MAML1: variants seen among roughly 807,000 people sequenced by gnomAD.
MAML1 encodes mastermind-like protein 1.
A neutral mutation model predicts 77.1 loss-of-function variants in MAML1; 14 were observed. The ratio of observed to expected loss-of-function variants is 0.18; its 90% CI spans 0.12 to 0.28. The LOEUF is 0.28. Among genes scored for constraint, MAML1 ranks in the 10% least tolerant of loss-of-function variants. MAML1 has a pLI of 1.00. For synonymous variants in MAML1, 516 were observed against 551.9 expected (o/e 0.93, Z 0.91); for missense variants, 1,217 against 1,327.8 (o/e 0.92, Z 1.30).
chr5:179,752,346 A>ATATATATATATATATATATATATATAT (rs1472280681), intron 1 of MAML1, among the ~76,000 whole-genome samples: 1 of 90,738 alleles, frequency 1.1e-5, no homozygotes, highest in African/African-American at 5.0e-5. Flanking sequence ...AAAAAAAAAA[A>ATATATATATATATATATATATATATAT]AAAAATATAT....
In MAML1 at chr5:179,733,166, G is replaced by A; in HGVS notation, c.54G>A (p.Ala18=). 6.8e-7 allele frequency: 1 copy of A among 1,466,094 alleles called. No homozygotes were observed. Among genetic ancestry groups the A allele is most frequent in the East Asian group, 3.0e-5 (1 of 32,804 alleles). The allele number at this position is 1,466,094 out of a possible 1,614,324, so 90.8% of individuals were successfully genotyped here. ...MAEFALPRHS[A]VMERLRRRIE... is the part of the protein sequence containing the mutation. ...AGTTCGCGCTGCCGCGGCACAGCGC[G>A]GTCATGGAGCGCCTTCGCCGGCGCA... The change falls in exon 1 of 5, where the codon GCG becomes GCA. Residue 18 remains alanine (A), a synonymous_variant. Transcript: ENST00000292599.
chr5:179,774,924 A>G lies in MAML1; in HGVS notation c.*47A>G, dbSNP rs1381859922. On this transcript the variant is annotated 3_prime_UTR_variant, in exon 5 of 5. Transcript: ENST00000292599. ...TAGTGTTCATTCATCCTATATTTTTATTCTCAGATTCAAAGAAAGAGCAAC... is the reference window on the plus strand; with the variant it reads ...TAGTGTTCATTCATCCTATATTTTTGTTCTCAGATTCAAAGAAAGAGCAAC... 4 of 1,525,986 alleles carry G rather than the reference A, an allele frequency of 2.6e-6. No homozygotes were observed. Among genetic ancestry groups the G allele is most frequent in the Non-Finnish European group, 2.6e-6 (3 of 1,139,092 alleles). 94.5% of individuals were successfully genotyped at this position (1,525,986 alleles called of 1,614,324 possible). A position where few individuals can be genotyped will look rare whatever the true frequency, so the allele number is the denominator to read the frequency against.
chr5:179,744,835 AC>A (rs769781848), intron 1 of MAML1, among the ~76,000 whole-genome samples: 1 of 152,128 alleles, frequency 6.6e-6, no homozygotes, highest in African/African-American at 2.4e-5. Flanking sequence ...AGATTCTGGT[AC>A]ATCTATTTCT....
In MAML1 at chr5:179,776,774, T is replaced by C; in HGVS notation, c.*1897T>C. The C allele has an allele frequency of 1.0e-6, 1 of 985,894 alleles. No individual in the cohort carries two copies. The allele number at this position is 985,894 out of a possible 1,614,324, so 61.1% of individuals were successfully genotyped here. A position where few individuals can be genotyped will look rare whatever the true frequency, so the allele number is the denominator to read the frequency against. ...CTTAGTCCTGGGGCCGGCGACACAG[T>C]GGGGGCTCCTCACTTGCTGCAGTGT... On this transcript the variant is annotated 3_prime_UTR_variant, in exon 5 of 5. Coordinates refer to ENST00000292599, the MANE Select transcript of MAML1 (RefSeq NM_014757.5).
Position 179,774,181 on chromosome 5 carries a change from C to T in MAML1, c.2355C>T (p.Thr785=). The change falls in exon 5 of 5, where the codon ACC becomes ACT. Residue 785 remains threonine, a synonymous_variant. Transcript: ENST00000292599. ...GACATGCCCACATTCCACGGCAGACCAACGTGGGCCAGAACACCTCCGTCT... is the reference window on the plus strand; with the variant it reads ...GACATGCCCACATTCCACGGCAGACTAACGTGGGCCAGAACACCTCCGTCT... ...TNGHAHIPRQ[T]NVGQNTSVSA... 3 of 1,613,470 alleles carry T rather than the reference C, an allele frequency of 1.9e-6. No homozygotes were observed. Among genetic ancestry groups the T allele is most frequent in the East Asian group, 2.2e-5 (1 of 44,880 alleles).
At position 179,774,800 on chromosome 5, in the gene MAML1, C is replaced by G; in HGVS notation, c.2974C>G (p.Leu992Val). Residue 992 changes from leucine (L) to valine (V), a missense_variant, in exon 5 of 5, where the codon CTG (leucine) becomes GTG (valine). This residue lies in a region of MAML1 where 884 missense variants were observed against 949.3 expected (regional missense o/e 0.93). Transcript: ENST00000292599. ...GLSSVAGHTD[L>V]IDSLLKNRTS... The stretch of plus-strand genomic sequence containing the variant: ...CTCTAGTGTGGCTGGACACACCGAT[C>G]TGATCGACTCCCTGCTGAAGAACAG... 6.2e-7 allele frequency: 1 copy of G among 1,613,984 alleles called. No individual in the cohort carries two copies. Among genetic ancestry groups the G allele is most frequent in the South Asian group, 1.1e-5 (1 of 91,086 alleles).
rs568559071 is a variant in MAML1 at position 179,755,648 on chromosome 5, G to A, written c.316-9678G>A. On this transcript the variant is annotated intron_variant, in intron 1 of 4. Transcript: ENST00000292599. ...TGCGGCCGAGATGGCTTTGAATGCA[G>A]CCCAACACAAATTCATAAACTTTCT... Among the ~76,000 whole-genome samples, 8 of 151,902 alleles carry A rather than the reference G, an allele frequency of 5.3e-5. No homozygotes were observed. In the South Asian group the frequency reaches 1.7e-3, roughly 32 times the overall value.
At position 179,777,187 on chromosome 5, in the gene MAML1, T is replaced by G; in HGVS notation, c.*2310T>G. 1.0e-6 allele frequency: 1 copy of G among 977,962 alleles called. No homozygotes were observed. Among genetic ancestry groups the G allele is most frequent in the Non-Finnish European group, 1.2e-6 (1 of 822,848 alleles). The allele number at this position is 977,962 out of a possible 1,614,324, so 60.6% of individuals were successfully genotyped here. On this transcript the variant is annotated 3_prime_UTR_variant, in exon 5 of 5. Coordinates refer to ENST00000292599, the MANE Select transcript of MAML1 (RefSeq NM_014757.5). ...CATAAAAGTCCTATTAATCCCCATA[T>G]TCTTCTACTGCCCTTAACTCTGGTA... is the stretch of plus-strand genomic sequence containing the variant.
At chr5:179,770,955 A>T (rs2113381747) in intron 3 of MAML1, 192 bp from the exon 4 acceptor site, 1 of 524,768 alleles carries the variant, frequency 1.9e-6, no homozygotes, top group Non-Finnish European at 3.5e-6. Context: ...CCTACCTTTT[A>T]AAAAAGTCAT....
chr5:179,744,205 G>T (rs1272301580), intron 1 of MAML1, among the ~76,000 whole-genome samples: 2 of 152,064 alleles, frequency 1.3e-5, no homozygotes, highest in African/African-American at 2.4e-5. Flanking sequence ...TCTTCTTCAA[G>T]ATGGAGTCTT....
In MAML1 at chr5:179,771,410, G is replaced by T. The variant is rs555982187; in HGVS notation, c.2068+167G>T. 6.6e-6 allele frequency among the ~76,000 whole-genome samples: 1 copy of T among 152,158 alleles called. No homozygotes were observed. Among genetic ancestry groups the T allele is most frequent in the South Asian group, 2.1e-4 (1 of 4,832 alleles). On this transcript the variant is annotated intron_variant, in intron 4 of 4. Transcript: ENST00000292599. The surrounding 1 kb of genome is among the most constrained non-coding windows in gnomAD (Gnocchi z 4.7). Reference sequence around the variant, plus strand: ...GGGCCTGGTTTTCTAGTTACTCCACGGCATCAGGAGAAGAGGGCACAGAGG... The same window carrying T: ...GGGCCTGGTTTTCTAGTTACTCCACTGCATCAGGAGAAGAGGGCACAGAGG...
intron 2 of MAML1, among the ~76,000 whole-genome samples, chr5:179,767,002 C>G (rs1336930444): frequency 6.6e-6 from 1 of 152,070 alleles, no homozygotes; most frequent in Non-Finnish European, 1.5e-5. Context: ...ATTTAGTCCA[C>G]TGTCTCTTTC....
chr5:179,774,902 T>G lies in MAML1; in HGVS notation c.*25T>G, dbSNP rs747440632. 8.3e-6 allele frequency: 13 copies of G among 1,557,590 alleles called. No individual in the cohort carries two copies. Among genetic ancestry groups the G allele is most frequent in the Non-Finnish European group, 3.5e-6 (4 of 1,151,196 alleles). ...ATGGAAGGATTTGTAGTGTTTTTAG[T>G]GTTCATTCATCCTATATTTTTATTC... is the stretch of plus-strand genomic sequence containing the variant. On this transcript the variant is annotated 3_prime_UTR_variant, in exon 5 of 5. Coordinates refer to ENST00000292599, the MANE Select transcript of MAML1 (RefSeq NM_014757.5).
chr5:179,771,625 G>A lies in MAML1; in HGVS notation c.2068+382G>A, dbSNP rs894668753. On this transcript the variant is annotated intron_variant, in intron 4 of 4. Coordinates refer to ENST00000292599, the MANE Select transcript of MAML1 (RefSeq NM_014757.5). The surrounding 1 kb of genome is among the most constrained non-coding windows in gnomAD (Gnocchi z 4.7). ...CCAGATAAGGACTTAATGCACTTGC[G>A]TGGCCTTTGGCTTCTTTCTCTCCTC... Among the ~76,000 whole-genome samples the A allele has an allele frequency of 6.6e-6, 1 of 152,166 alleles. No homozygotes were observed. Among genetic ancestry groups the A allele is most frequent in the African/African-American group, 2.4e-5 (1 of 41,428 alleles).
Position 179,776,751 on chromosome 5 carries a change from TAGTC to T in MAML1, c.*1875_*1878del. The T allele has an allele frequency of 4.1e-6, 4 of 986,006 alleles. No homozygotes were observed. The highest frequency in any genetic ancestry group is 4.8e-6 in the Non-Finnish European group (4 of 830,054). 61.1% of individuals were successfully genotyped at this position (986,006 alleles called of 1,614,324 possible). ...GGCTCGCTGGCCCTGCACTCCGCCT[TAGTC>T]CTGGGGCCGGCGACACAGTGGGGGC... On this transcript the variant is annotated 3_prime_UTR_variant, in exon 5 of 5. Transcript: ENST00000292599.
intron 1 of MAML1, among the ~76,000 whole-genome samples, chr5:179,764,358 A>T (rs570029808): frequency 6.6e-6 from 1 of 152,230 alleles, no homozygotes; most frequent in South Asian, 2.1e-4. Flanking sequence ...AAATAGTCCC[A>T]ATAAGAAGTA....
At chr5:179,773,525 G>A (rs1296168319) in intron 4 of MAML1, among the ~76,000 whole-genome samples, 1 of 152,224 alleles carries the variant, frequency 6.6e-6, no homozygotes, top group Non-Finnish European at 1.5e-5. Context: ...GCCCCATTGC[G>A]CCCCATCGTG....
rs1380550092 is a variant in MAML1 at position 179,766,768 on chromosome 5, C to T, written c.1731+27C>T. 2.0e-6 allele frequency: 3 copies of T among 1,499,796 alleles called. No individual in the cohort carries two copies. The highest frequency in any genetic ancestry group is 1.8e-6 in the Non-Finnish European group (2 of 1,119,100). The allele number at this position is 1,499,796 out of a possible 1,614,324, so 92.9% of individuals were successfully genotyped here. A position where few individuals can be genotyped will look rare whatever the true frequency, so the allele number is the denominator to read the frequency against. Reference sequence around the variant, plus strand: ...TAAGTATGAGCCTTTGCTTTCTGTTCCTCTGCTGCAGACACTTCAGTGAGG... The same window carrying T: ...TAAGTATGAGCCTTTGCTTTCTGTTTCTCTGCTGCAGACACTTCAGTGAGG... On this transcript the variant is annotated intron_variant, in intron 2 of 4. Coordinates refer to ENST00000292599, the MANE Select transcript of MAML1 (RefSeq NM_014757.5). The surrounding 1 kb of genome is among the most constrained non-coding windows in gnomAD (Gnocchi z 4.0).
chr5:179,748,254 G>T (rs951631869), intron 1 of MAML1, among the ~76,000 whole-genome samples: 2 of 151,922 alleles, frequency 1.3e-5, no homozygotes, highest in African/African-American at 4.8e-5. Flanking sequence ...GGCTAATTTT[G>T]TATTTTTAGT....
Sources: gnomAD v4.1 joint callset for allele counts (sites outside exome capture counted in the v4.1 genomes callset) on GRCh38, gnomAD v4.1.1 for gene constraint, gnomAD v4.1.1 regional missense constraint, Gnocchi (gnomAD v3.1) non-coding constraint, MANE v1.5 for transcripts, NCBI Gene and HGNC (gene_info 2026-07-23, HGNC 2026-07-21) for gene names.